Variants in DTNB observed in about 807,000 individuals in gnomAD.
DTNB encodes dystrobrevin beta, also known as DTN-B.
Under a neutral mutation model 90.7 loss-of-function variants are expected in DTNB, and 63 were observed. The ratio of observed to expected loss-of-function variants is 0.69; its 90% CI spans 0.57 to 0.86. The LOEUF (loss-of-function observed/expected upper bound fraction) is 0.86, where lower values mean the gene tolerates loss of function less well. Ranked by LOEUF, DTNB falls within the 40% of genes least tolerant of loss-of-function variation. The pLI is 0.00. For synonymous variants in DTNB, 277 were observed against 286.7 expected, an observed-to-expected ratio of 0.97 and a Z score of 0.34; for missense variants, 744 against 807.1, an observed-to-expected ratio of 0.92 and a Z score of 0.95.
intron 6 of DTNB, among the ~76,000 whole-genome samples, chr2:25,590,069 T>A (rs568206833): frequency 1.3e-5 from 2 of 152,116 alleles, no homozygotes; most frequent in South Asian, 4.1e-4. Context: ...TGCAAGCTGC[T>A]TCCACAGCTG....
intron 9 of DTNB, among the ~76,000 whole-genome samples, chr2:25,526,642 C>T (rs536158167): frequency 1.3e-5 from 2 of 151,988 alleles, no homozygotes; most frequent in South Asian, 4.1e-4. Flanking sequence ...ATGATCCACC[C>T]ACCTTGGCCT....
intron 19 of DTNB, 155 bp from the exon 20 acceptor site, chr2:25,379,478 CAG>C: frequency 2.1e-6 from 2 of 959,866 alleles, no homozygotes; most frequent in Non-Finnish European, 2.7e-6. Context: ...CCAGGTATGA[CAG>C]CAGGGTAGAG....
chr2:25,587,142 C>T (rs755970496), intron 6 of DTNB, among the ~76,000 whole-genome samples: 5 of 152,082 alleles, frequency 3.3e-5, no homozygotes, highest in Admixed American at 1.3e-4. Context: ...GACTGTGGTT[C>T]GACTGCTGAG....
intron 9 of DTNB, among the ~76,000 whole-genome samples, chr2:25,514,028 A>C (rs1319778214): frequency 2.0e-5 from 3 of 152,066 alleles, no homozygotes; most frequent in African/African-American, 7.2e-5. Context: ...CCTTGCTTTC[A>C]AAGAACTTAC....
At chr2:25,451,766 G>T in intron 11 of DTNB, 131 bp from the exon 12 acceptor site, 1 of 801,600 alleles carries the variant, frequency 1.2e-6, no homozygotes. Context: ...CTGGGTCATA[G>T]ATACTAATGG....
intron 8 of DTNB, among the ~76,000 whole-genome samples, chr2:25,572,554 G>A (rs371017177): frequency 1.3e-5 from 2 of 151,308 alleles, no homozygotes; most frequent in African/African-American, 4.9e-5. Context: ...TTCCTTATCC[G>A]ATATCCTTCT....
chr2:25,628,101 T>A, intron 4 of DTNB, 70 bp downstream of exon 4: 2 of 1,518,094 alleles, frequency 1.3e-6, no homozygotes, highest in South Asian at 2.3e-5. Flanking sequence ...CACGGCAGTA[T>A]GGAAGAAGAA....
chr2:25,479,534 G>A (rs570878592), intron 10 of DTNB, among the ~76,000 whole-genome samples: 38 of 152,108 alleles, frequency 2.5e-4, no homozygotes, highest in Non-Finnish European at 5.0e-4. Context: ...TCAGTTATAA[G>A]ATATCAATTT....
intron 4 of DTNB, among the ~76,000 whole-genome samples, chr2:25,616,748 C>T (rs775783108): frequency 2.0e-5 from 3 of 150,994 alleles, no homozygotes; most frequent in Non-Finnish European, 4.4e-5. Context: ...CTGGCTAACA[C>T]GGTGAAACCC....
At chr2:25,499,520 T>C (rs2069930943) in intron 9 of DTNB, among the ~76,000 whole-genome samples, 1 of 152,186 alleles carries the variant, frequency 6.6e-6, no homozygotes. Context: ...TAGCTCCACT[T>C]CTATTCCACA....
At chr2:25,575,011 G>GT (rs973452825) in intron 8 of DTNB, among the ~76,000 whole-genome samples, 1 of 152,102 alleles carries the variant, frequency 6.6e-6, no homozygotes, top group African/African-American at 2.4e-5. Context: ...TCATAAAGCA[G>GT]TATCAGTCAC....
chr2:25,576,875 T>C lies in DTNB; in HGVS notation c.839A>G (p.His280Arg), dbSNP rs755919096. 6.2e-7 allele frequency: 1 copy of C among 1,613,102 alleles called. No individual in the cohort carries two copies. Among genetic ancestry groups the C allele is most frequent in the South Asian group, 1.1e-5 (1 of 90,840 alleles). The change falls in exon 8 of 21, where the codon CAC (histidine) becomes CGC (arginine). Residue 280 changes from histidine (H) to arginine (R), a missense_variant. By Grantham distance (29) the His-to-Arg change is conservative. Transcript: ENST00000406818. Reference protein sequence around the residue: ...CFWRGHAGGPHSNQHQMKEHS... With the variant: ...CFWRGHAGGPRSNQHQMKEHS... ...CTCCTTCATCTGGTGCTGGTTGCTG[T>C]GAGGGCCGCCGGCATGGCCACGCCA...
chr2:25,585,266 C>T (rs2062175539), intron 6 of DTNB, among the ~76,000 whole-genome samples: 1 of 152,114 alleles, frequency 6.6e-6, no homozygotes, highest in Non-Finnish European at 1.5e-5. Flanking sequence ...TGTTTTTTCA[C>T]TTAACGTTCT....
intron 8 of DTNB, among the ~76,000 whole-genome samples, chr2:25,550,672 TTTTTC>T (rs1004758341): frequency 2.0e-5 from 3 of 152,094 alleles, no homozygotes; most frequent in African/African-American, 4.8e-5. Context: ...CAGACCTCAA[TTTTTC>T]TTTTCTTTTT....
chr2:25,632,231 G>A (rs1050786962), intron 3 of DTNB, among the ~76,000 whole-genome samples: 10 of 146,436 alleles, frequency 6.8e-5, no homozygotes, highest in African/African-American at 2.5e-4. Context: ...ACCATATCCT[G>A]AGCCATAAAG....
In DTNB at chr2:25,526,362, A is replaced by AATATATATATAAAT. The variant is rs1443951326; in HGVS notation, c.1001+5110_1001+5111insATTTATATATATAT. ...ACAATAGCACTTATAAATATATATA[A>AATATATATATAAAT]ATATATATATATATATATATATATA... On this transcript the variant is annotated intron_variant, in intron 9 of 20. Transcript: ENST00000406818. Among the ~76,000 whole-genome samples, 118 of 99,776 alleles carry AATATATATATAAAT rather than the reference A, an allele frequency of 1.2e-3. 3 individuals carry two copies. The highest frequency in any genetic ancestry group is 1.9e-3 in the Non-Finnish European group (103 of 54,642). The allele number at this position is 99,776 out of a possible 152,430, so 65.5% of individuals were successfully genotyped here.
chr2:25,651,186 C>T (rs1279058931), intron 2 of DTNB, among the ~76,000 whole-genome samples: 3 of 152,212 alleles, frequency 2.0e-5, no homozygotes, highest in Admixed American at 2.0e-4. Context: ...GAGTGCCAGG[C>T]ACTGTGCCAA....
At chr2:25,391,858 A>C (rs890258539) in intron 16 of DTNB, among the ~76,000 whole-genome samples, 14 of 152,244 alleles carry the variant, frequency 9.2e-5, no homozygotes, top group Non-Finnish European at 1.8e-4. Flanking sequence ...GGAAATTTAA[A>C]AATTCTTTGA....
chr2:25,650,158 A>G (rs1273259122), intron 2 of DTNB: 2 of 985,460 alleles, frequency 2.0e-6, no homozygotes, highest in East Asian at 2.3e-4. Context: ...CTACCCCATC[A>G]ACGCCTGCAT....
Sources: allele counts gnomAD v4.1 joint callset (sites outside exome capture counted in the v4.1 genomes callset), GRCh38; gene constraint gnomAD v4.1.1; transcripts MANE v1.5; gene names NCBI Gene and HGNC (gene_info 2026-07-23, HGNC 2026-07-21).